Variants in PEX5L observed in about 807,000 individuals in gnomAD.
PEX5L encodes the protein peroxisomal biogenesis factor 5 like, also known as PEX5-related protein.
A neutral mutation model predicts 84.0 loss-of-function variants in PEX5L; 30 were observed. The observed-to-expected ratio is 0.36, with a 90% confidence interval of 0.27 to 0.48. The LOEUF is 0.48. Among genes scored for constraint, PEX5L ranks in the 20% least tolerant of loss-of-function variants. The pLI, the probability that PEX5L is intolerant of heterozygous loss-of-function variation, is 0.99. For missense variants in PEX5L, 533 were observed against 754.6 expected, an observed-to-expected ratio of 0.71 and a Z score of 3.44; for synonymous variants, 270 against 283.1, an observed-to-expected ratio of 0.95 and a Z score of 0.46.
intron 2 of PEX5L, among the ~76,000 whole-genome samples, chr3:179,928,260 T>C (rs1772033554): frequency 1.3e-5 from 2 of 152,220 alleles, no homozygotes; most frequent in Non-Finnish European, 2.9e-5. Flanking sequence ...GCCTACTTTA[T>C]TACAGAGAGA....
rs115264439 is a variant in PEX5L at position 179,926,242 on chromosome 3, C to G, written c.94-27996G>C. On this transcript the variant is annotated intron_variant, in intron 2 of 14. Coordinates refer to ENST00000467460, the MANE Select transcript of PEX5L (RefSeq NM_016559.3). ...TGGTCCTCTTGCTGCTGGACTGTTT[C>G]CATCTGACCCCACAGTGCTCTCCTT... 9.5e-3 allele frequency among the ~76,000 whole-genome samples: 1,442 copies of G among 152,256 alleles called. 23 individuals are homozygous for G. The highest frequency in any genetic ancestry group is 0.033 in the African/African-American group (1,377 of 41,542).
chr3:179,935,458 C>T (rs892003273), intron 2 of PEX5L, among the ~76,000 whole-genome samples: 1 of 152,178 alleles, frequency 6.6e-6, no homozygotes, highest in Non-Finnish European at 1.5e-5. Context: ...CCATTAGCAT[C>T]TGGGCCACTG....
intron 2 of PEX5L, among the ~76,000 whole-genome samples, chr3:179,940,267 G>C (rs997659015): frequency 2.0e-4 from 31 of 151,970 alleles, no homozygotes; most frequent in African/African-American, 6.3e-4. Flanking sequence ...GAGAGGAATG[G>C]GTAAAGAGAA....
At chr3:179,812,521 T>G (rs1039518699) in intron 10 of PEX5L, among the ~76,000 whole-genome samples, 1 of 152,154 alleles carries the variant, frequency 6.6e-6, no homozygotes. Context: ...AATTTTTAAT[T>G]TGGATTTTGT....
intron 1 of PEX5L, among the ~76,000 whole-genome samples, chr3:180,022,561 A>G (rs575887265): frequency 6.6e-6 from 1 of 152,364 alleles, no homozygotes; most frequent in Admixed American, 6.5e-5. Context: ...CTACCTTATT[A>G]ATGTTGAATG....
At chr3:180,008,762 A>G (rs954743558) in intron 1 of PEX5L, among the ~76,000 whole-genome samples, 1 of 152,172 alleles carries the variant, frequency 6.6e-6, no homozygotes, top group Non-Finnish European at 1.5e-5. Flanking sequence ...CTATCATGAG[A>G]CTAGCATGGG....
At chr3:180,016,246 A>G (rs2110488133) in intron 1 of PEX5L, among the ~76,000 whole-genome samples, 1 of 152,324 alleles carries the variant, frequency 6.6e-6, no homozygotes, top group South Asian at 2.1e-4. Context: ...ATCAATGATT[A>G]TATCATAATA....
At chr3:179,823,671 T>A (rs1729328216) in intron 8 of PEX5L, among the ~76,000 whole-genome samples, 1 of 152,242 alleles carries the variant, frequency 6.6e-6, no homozygotes, top group African/African-American at 2.4e-5. Context: ...ACTAGAGCAA[T>A]CTTTTGCCTC....
intron 1 of PEX5L, 83 bp downstream of exon 1, chr3:180,036,496 A>T: frequency 7.8e-7 from 1 of 1,276,352 alleles, no homozygotes; most frequent in Admixed American, 1.7e-5. Context: ...CGAAGGCAGC[A>T]CTTGACCACA....
intron 2 of PEX5L, among the ~76,000 whole-genome samples, chr3:179,937,368 CTG>C (rs890934722): frequency 9.2e-5 from 14 of 152,072 alleles, no homozygotes; most frequent in African/African-American, 3.4e-4. Flanking sequence ...CATGAGAACT[CTG>C]TGTATTATCT....
At chr3:180,008,571 T>C (rs1191130115) in intron 1 of PEX5L, among the ~76,000 whole-genome samples, 1 of 152,194 alleles carries the variant, frequency 6.6e-6, no homozygotes, top group Non-Finnish European at 1.5e-5. Flanking sequence ...GATAAAGACA[T>C]ACCCAAGACT....
chr3:179,873,216 A>C, intron 7 of PEX5L, among the ~76,000 whole-genome samples: 1 of 152,338 alleles, frequency 6.6e-6, no homozygotes, highest in Non-Finnish European at 1.5e-5. Flanking sequence ...AATTGGACTT[A>C]CCTGATCGAG....
Position 179,797,600 on chromosome 3 carries a change from AAAAAAATATATAT to A in PEX5L, c.*4215_*4227del, listed in dbSNP as rs1192903129. On this transcript the variant is annotated 3_prime_UTR_variant, in exon 15 of 15. Transcript: ENST00000467460. ...CTATGAACACTCTTTAAAAAAAAAA[AAAAAAATATATAT>A]ATATATATATATATATATCTACTTC... 12 of 109,860 alleles carry A rather than the reference AAAAAAATATATAT, an allele frequency of 1.1e-4. No homozygotes were observed. Among genetic ancestry groups the A allele is most frequent in the African/African-American group, 3.8e-4 (10 of 25,974 alleles). The allele number at this position is 109,860 out of a possible 1,614,324, so 6.8% of individuals were successfully genotyped here.
intron 7 of PEX5L, among the ~76,000 whole-genome samples, chr3:179,861,645 T>C (rs1035793894): frequency 6.6e-5 from 10 of 152,178 alleles, no homozygotes; most frequent in African/African-American, 2.4e-4. Flanking sequence ...TGAAAGCTAC[T>C]ACCTCCTCCT....
intron 8 of PEX5L, among the ~76,000 whole-genome samples, chr3:179,827,333 A>G (rs1730900990): frequency 6.6e-6 from 1 of 152,180 alleles, no homozygotes; most frequent in Non-Finnish European, 1.5e-5. Flanking sequence ...AAGAAGCCCA[A>G]GCCTCAAAGG....
intron 2 of PEX5L, among the ~76,000 whole-genome samples, chr3:179,968,286 T>C (rs1043756993): frequency 1.3e-5 from 2 of 152,170 alleles, no homozygotes; most frequent in African/African-American, 2.4e-5. Context: ...TATAATAGAA[T>C]GAATTCACTA....
intron 2 of PEX5L, among the ~76,000 whole-genome samples, chr3:179,943,034 T>C (rs1776581140): frequency 6.6e-6 from 1 of 152,240 alleles, no homozygotes; most frequent in Non-Finnish European, 1.5e-5. Flanking sequence ...AGTGTCGTTG[T>C]GTGACAATCA....
chr3:179,963,162 A>G (rs1028330258), intron 2 of PEX5L, among the ~76,000 whole-genome samples: 1 of 152,130 alleles, frequency 6.6e-6, no homozygotes, highest in African/African-American at 2.4e-5. Flanking sequence ...TACTGCTTGG[A>G]AAACTGGGGA....
chr3:180,021,822 G>T lies in PEX5L; in HGVS notation c.21+14757C>A, dbSNP rs561550524. The stretch of plus-strand genomic sequence containing the variant: ...GTTTGTGGACAAATATTGAGGATGA[G>T]CATAGATGCTTAGTTACTTTAACAT... On this transcript the variant is annotated intron_variant, in intron 1 of 14. Transcript: ENST00000467460. Among the ~76,000 whole-genome samples the T allele has an allele frequency of 7.4e-4, 113 of 152,256 alleles. 1 individual carries two copies. Among genetic ancestry groups the T allele is most frequent in the African/African-American group, 2.6e-3 (107 of 41,560 alleles).
Sources: allele counts gnomAD v4.1 joint callset (sites outside exome capture counted in the v4.1 genomes callset), GRCh38; gene constraint gnomAD v4.1.1; transcripts MANE v1.5; gene names NCBI Gene and HGNC (gene_info 2026-07-23, HGNC 2026-07-21).